The following BRF1 variants were observed in gnomAD, a reference collection of about 807,000 sequenced individuals.
BRF1 encodes BRF1 general transcription factor IIIB subunit.
In BRF1, 59 loss-of-function variants were observed where a neutral mutation model predicts 81.7. The observed-to-expected ratio is 0.72, with a 90% confidence interval of 0.59 to 0.90. The LOEUF (loss-of-function observed/expected upper bound fraction) is 0.90, where lower values mean the gene tolerates loss of function less well. Among genes scored for constraint, BRF1 ranks in the 40% least tolerant of loss-of-function variants. The pLI is 0.00. For synonymous variants in BRF1, 491 were observed against 395.6 expected, an observed-to-expected ratio of 1.24 and a Z score of -2.86; for missense variants, 1,050 against 936.3, an observed-to-expected ratio of 1.12 and a Z score of -1.58.
At chr14:105,268,377 T>C (rs1463524378) in intron 3 of BRF1, among the ~76,000 whole-genome samples, 2 of 152,238 alleles carry the variant, frequency 1.3e-5, no homozygotes, top group Non-Finnish European at 2.9e-5. Context: ...GACTCAGGCC[T>C]AGGGTCAGCC....
chr14:105,226,626 G>GGC lies in BRF1; in HGVS notation c.915+6_915+7dup. ...CCCAGCACAGACAGACACCAAAGCC[G>GGC]GCGCTACCTGCTTCATCCGCAGCTT... On this transcript the variant is annotated splice_region_variant and intron_variant, in intron 8 of 17. Coordinates refer to ENST00000547530, the MANE Select transcript of BRF1 (RefSeq NM_001519.4). 1 of 1,612,876 alleles carries GGC rather than the reference G, an allele frequency of 6.2e-7. No individual in the cohort carries two copies. Among genetic ancestry groups the GGC allele is most frequent in the Non-Finnish European group, 8.5e-7 (1 of 1,180,002 alleles).
At chr14:105,229,589 G>C (rs376774983) in intron 6 of BRF1, among the ~76,000 whole-genome samples, 1 of 152,240 alleles carries the variant, frequency 6.6e-6, no homozygotes, top group Non-Finnish European at 1.5e-5. Flanking sequence ...CTGAGTGACA[G>C]CTGCGACCTG....
chr14:105,224,192 A>C (rs930633350), intron 10 of BRF1, among the ~76,000 whole-genome samples: 1 of 152,228 alleles, frequency 6.6e-6, no homozygotes, highest in Admixed American at 6.5e-5. Context: ...AACGTGGCGA[A>C]ACCCCGTTTC....
rs370180074 is a variant in BRF1 at position 105,219,051 on chromosome 14, T to C, written c.1462A>G (p.Lys488Glu). Residue 488 changes from lysine (K) to glutamate (E), a missense_variant and splice_region_variant, in exon 14 of 18, where the codon AAA becomes GAA. Around this residue, in one of 2 missense-constraint regions of BRF1, gnomAD observed 1,043 missense variants for 915.4 expected, o/e 1.14. Transcript: ENST00000547530. ...NAEYLREQRE[K>E]EARIAKEKEL... ...TTCTCTTTCGCTATTCTTGCTTCTT[T>C]TTCTAAAAGTTCAGAAAGGGGGCCA... 8 of 1,613,828 alleles carry C rather than the reference T, an allele frequency of 5.0e-6. No homozygotes were observed. Among genetic ancestry groups the C allele is most frequent in the Non-Finnish European group, 6.8e-6 (8 of 1,180,032 alleles).
At chr14:105,295,704 A>T (rs1206946075) in intron 1 of BRF1, among the ~76,000 whole-genome samples, 2 of 151,970 alleles carry the variant, frequency 1.3e-5, no homozygotes, top group South Asian at 2.1e-4. Flanking sequence ...GGATCTCTTG[A>T]ACCCAGAAGT....
intron 15 of BRF1, among the ~76,000 whole-genome samples, chr14:105,214,616 G>A (rs1406170411): frequency 6.6e-6 from 1 of 152,192 alleles, no homozygotes; most frequent in Admixed American, 6.5e-5. Flanking sequence ...CGCAGGACCA[G>A]GGGCAGGTGG....
At chr14:105,247,235 T>C (rs1016718996) in intron 5 of BRF1, 22 of 985,446 alleles carry the variant, frequency 2.2e-5, no homozygotes, top group Non-Finnish European at 2.5e-5. Context: ...CGGACTCTCA[T>C]GCATATGCTA....
chr14:105,241,656 G>C (rs1271853895), intron 5 of BRF1: 1 of 574,592 alleles, frequency 1.7e-6, no homozygotes, highest in Non-Finnish European at 3.1e-6. Context: ...GCTAGGGCCA[G>C]GCAGCGTGCT....
At chr14:105,260,311 G>A (rs2056089377) in intron 3 of BRF1, among the ~76,000 whole-genome samples, 1 of 152,158 alleles carries the variant, frequency 6.6e-6, no homozygotes, top group Non-Finnish European at 1.5e-5. Flanking sequence ...ATAGCTTTGG[G>A]GAGCGGACCA....
intron 10 of BRF1, among the ~76,000 whole-genome samples, chr14:105,225,421 C>T (rs1162545845): frequency 6.6e-6 from 1 of 152,122 alleles, no homozygotes; most frequent in Non-Finnish European, 1.5e-5. Context: ...CCGCTTATAC[C>T]CCCTCCCTTT....
chr14:105,252,363 G>A lies in BRF1; in HGVS notation c.544+144C>T, dbSNP rs587611035. The A allele has an allele frequency of 3.5e-5, 50 of 1,419,408 alleles. No homozygotes were observed. The South Asian group carries it at 7.0e-4, about 20-fold the overall frequency. The allele number at this position is 1,419,408 out of a possible 1,614,324, so 87.9% of individuals were successfully genotyped here. A position where few individuals can be genotyped will look rare whatever the true frequency, so the allele number is the denominator to read the frequency against. On this transcript the variant is annotated intron_variant, in intron 5 of 17. Coordinates refer to ENST00000547530, the MANE Select transcript of BRF1 (RefSeq NM_001519.4). ...AGAAAATAAGGCCCCACATTACTGA[G>A]CTCCTAGCAGCTTTAAGAAACATTT...
At chr14:105,247,207 C>T in intron 5 of BRF1, 5 of 985,500 alleles carry the variant, frequency 5.1e-6, no homozygotes, top group Non-Finnish European at 4.8e-6. Flanking sequence ...CATCCACACA[C>T]TTTCTCTCGG....
chr14:105,264,197 GT>G (rs1282457250), intron 3 of BRF1, among the ~76,000 whole-genome samples: 2 of 152,176 alleles, frequency 1.3e-5, no homozygotes, highest in Non-Finnish European at 2.9e-5. Context: ...AGGAGTCTTA[GT>G]GATGGCTCAC....
chr14:105,253,610 G>A (rs1198088733), intron 4 of BRF1, among the ~76,000 whole-genome samples: 4 of 152,218 alleles, frequency 2.6e-5, no homozygotes, highest in Admixed American at 2.6e-4. Flanking sequence ...TGCGCTAGAG[G>A]CAAGAGACAG....
At chr14:105,216,178 C>G (rs1226758763) in intron 15 of BRF1, among the ~76,000 whole-genome samples, 6 of 152,216 alleles carry the variant, frequency 3.9e-5, no homozygotes, top group Non-Finnish European at 7.4e-5. Flanking sequence ...CAGAGAGACA[C>G]ACATGCACAC....
In BRF1 at chr14:105,315,069, C is replaced by T. The variant is rs868423714; in HGVS notation, c.-162+253G>A. 257 of 1,127,456 alleles carry T rather than the reference C, an allele frequency of 2.3e-4. No individual in the cohort carries two copies. Among genetic ancestry groups the T allele is most frequent in the Non-Finnish European group, 2.6e-4 (239 of 913,682 alleles). The allele number at this position is 1,127,456 out of a possible 1,614,324, so 69.8% of individuals were successfully genotyped here. ...GCCGCCCGCCGCGCTTTGTTCCCGCCGGGCACCTGCTGGGGGTGTCCTGGC... is the reference window on the plus strand; with the variant it reads ...GCCGCCCGCCGCGCTTTGTTCCCGCTGGGCACCTGCTGGGGGTGTCCTGGC... On this transcript the variant is annotated intron_variant, in intron 1 of 17. Transcript: ENST00000327359. The surrounding 1 kb of genome is among the most constrained non-coding windows in gnomAD (Gnocchi z 4.4).
chr14:105,229,699 GGAGA>G (rs1157675547), intron 6 of BRF1, among the ~76,000 whole-genome samples: 2 of 137,658 alleles, frequency 1.5e-5, no homozygotes, highest in Non-Finnish European at 3.2e-5. Context: ...TAGCATCTCA[GGAGA>G]GAGAGGCCAC....
rs148709272 is a variant in BRF1, at chr14:105,268,443, C to T, written c.439+4278G>A. On this transcript the variant is annotated intron_variant, in intron 3 of 17. Transcript: ENST00000547530. Reference sequence around the variant, plus strand: ...GCACCCCGTTCCTCCTCCAGGAATCCGGGACTGGCTGTGTCAGCCACCAGG... The same window carrying T: ...GCACCCCGTTCCTCCTCCAGGAATCTGGGACTGGCTGTGTCAGCCACCAGG... Among the ~76,000 whole-genome samples the T allele has an allele frequency of 3.6e-3, 553 of 152,354 alleles. 1 individual carries two copies. The highest frequency in any genetic ancestry group is 0.013 in the African/African-American group (528 of 41,582).
intron 3 of BRF1, 35 bp downstream of exon 3, chr14:105,272,686 G>A (rs770220390): frequency 6.4e-7 from 1 of 1,560,560 alleles, no homozygotes. Context: ...GCATCAAGAT[G>A]GGGCCCTCTG....
Sources: allele counts gnomAD v4.1 joint callset (sites outside exome capture counted in the v4.1 genomes callset), GRCh38; gene constraint gnomAD v4.1.1; regional missense constraint gnomAD v4.1.1; non-coding constraint Gnocchi (gnomAD v3.1); transcripts MANE v1.5; gene names NCBI Gene and HGNC (gene_info 2026-07-23, HGNC 2026-07-21).